Variants in ZMYND11 observed in about 807,000 individuals in gnomAD.
ZMYND11 encodes zinc finger MYND-type containing 11.
A neutral mutation model predicts 84.9 loss-of-function variants in ZMYND11; 9 were observed. The observed-to-expected ratio is 0.11, with a 90% CI of 0.06 to 0.18. The LOEUF (loss-of-function observed/expected upper bound fraction) is 0.18. Among genes scored for constraint, ZMYND11 ranks in the 10% least tolerant of loss-of-function variants. The probability of loss-of-function intolerance (pLI) is 1.00; values close to 1 mark genes in which losing one functional copy is unlikely to be tolerated. For missense variants in ZMYND11, 409 were observed against 761.0 expected, an observed-to-expected ratio of 0.54 and a Z score of 5.44; for synonymous variants, 250 against 244.1, an observed-to-expected ratio of 1.02 and a Z score of -0.23.
intron 13 of ZMYND11, 89 bp downstream of exon 13, chr10:248,697 C>T (rs1952715944): frequency 6.8e-7 from 1 of 1,464,760 alleles, no homozygotes; most frequent in Non-Finnish European, 9.0e-7. Context: ...AACCCAGTAG[C>T]AGCTTTTACA....
chr10:153,155 G>A (rs1358203083), intron 1 of ZMYND11, among the ~76,000 whole-genome samples: 4 of 152,122 alleles, frequency 2.6e-5, no homozygotes, highest in African/African-American at 9.7e-5. Context: ...CAGTTTTGAA[G>A]TACAGAATTG....
chr10:197,794 G>C (rs1193338933), intron 2 of ZMYND11: 1 of 363,052 alleles, frequency 2.8e-6, no homozygotes, highest in African/African-American at 2.1e-5. Flanking sequence ...AATTTTAATT[G>C]AAATGTTATT....
intron 1 of ZMYND11, among the ~76,000 whole-genome samples, chr10:144,558 C>T (rs1235422518): frequency 6.6e-6 from 1 of 150,776 alleles, no homozygotes; most frequent in African/African-American, 2.4e-5. Flanking sequence ...TTTTAGATGA[C>T]AGTGTTACAC....
intron 2 of ZMYND11, among the ~76,000 whole-genome samples, chr10:183,829 T>C (rs1347478955): frequency 3.9e-4 from 59 of 152,198 alleles, no homozygotes; most frequent in Admixed American, 3.5e-3. Context: ...CTGAACTACT[T>C]TCTGCTTGTT....
chr10:231,232 T>G (rs1229322801), intron 4 of ZMYND11, among the ~76,000 whole-genome samples: 1 of 152,248 alleles, frequency 6.6e-6, no homozygotes, highest in African/African-American at 2.4e-5. Flanking sequence ...AAAATGCTTC[T>G]TGACTTTTGG....
chr10:167,035 G>T (rs139489977), intron 1 of ZMYND11, among the ~76,000 whole-genome samples: 1 of 152,122 alleles, frequency 6.6e-6, no homozygotes, highest in Non-Finnish European at 1.5e-5. Context: ...AAATATCTAG[G>T]CATATTAATA....
In ZMYND11 at chr10:248,381, C is replaced by T. The variant is rs1204710018; in HGVS notation, c.1273C>T (p.Pro425Ser). 2 of 1,614,006 alleles carry T rather than the reference C, an allele frequency of 1.2e-6. No individual in the cohort carries two copies. The highest frequency in any genetic ancestry group is 1.7e-6 in the Non-Finnish European group (2 of 1,180,022). The stretch of plus-strand genomic sequence containing the variant: ...AGCAGTAAGTTCTAGCCAGGAAATA[C>T]CCACGATGCCTCAGCCCATCGAAAA... ...TEAVSSSQEI[P>S]TMPQPIEKVS... The change falls in exon 13 of 15, where the codon CCC (proline) becomes TCC (serine). Residue 425 changes from proline (P) to serine (S), a missense_variant. Pro to Ser is a moderately conservative substitution (Grantham distance 74). Transcript: ENST00000381604.
At chr10:158,384 TTATTC>T (rs1842168642) in intron 1 of ZMYND11, among the ~76,000 whole-genome samples, 1 of 151,946 alleles carries the variant, frequency 6.6e-6, no homozygotes, top group Admixed American at 6.6e-5. Context: ...CCAGTTTCTA[TTATTC>T]TATTATTCCT....
At position 242,096 on chromosome 10, in the gene ZMYND11, G is replaced by C; in HGVS notation, c.907G>C (p.Asp303His). Reference protein sequence around the residue: ...FWPAKVMQKEDNQVDVRFFGH... With the variant: ...FWPAKVMQKEHNQVDVRFFGH... ...GCCAGCCAAAGTCATGCAGAAAGAA[G>C]ACAATCAAGTCGACGTTCGCTTCTT... The change falls in exon 10 of 15, where the codon GAC (aspartate) becomes CAC (histidine). Residue 303 changes from aspartate to histidine, a missense_variant. Asp to His is a moderately conservative substitution (Grantham distance 81). Around this residue, in one of 7 missense-constraint regions of ZMYND11, gnomAD observed 59 missense variants for 151.0 expected, o/e 0.39. Transcript: ENST00000381604. 1 of 1,613,962 alleles carries C rather than the reference G, an allele frequency of 6.2e-7. No individual in the cohort carries two copies.
chr10:159,860 G>A (rs1316016970), intron 1 of ZMYND11, among the ~76,000 whole-genome samples: 1 of 151,944 alleles, frequency 6.6e-6, no homozygotes, highest in African/African-American at 2.4e-5. Flanking sequence ...TCTGATTTTT[G>A]ATTGTATTTT....
intron 1 of ZMYND11, among the ~76,000 whole-genome samples, chr10:160,518 CT>C (rs1159828662): frequency 6.6e-6 from 1 of 152,086 alleles, no homozygotes; most frequent in African/African-American, 2.4e-5. Flanking sequence ...TTGGCTTTTC[CT>C]TTCATGAAAG....
intron 4 of ZMYND11, among the ~76,000 whole-genome samples, chr10:230,255 A>G (rs1948776696): frequency 6.6e-6 from 1 of 152,056 alleles, no homozygotes; most frequent in Non-Finnish European, 1.5e-5. Flanking sequence ...CGGGCGGATC[A>G]TGAGGTCAGG....
At chr10:234,961 G>GT (rs1949683639) in intron 4 of ZMYND11, among the ~76,000 whole-genome samples, 1 of 145,896 alleles carries the variant, frequency 6.9e-6, no homozygotes, top group South Asian at 2.3e-4. Flanking sequence ...TGTACAAGAG[G>GT]TGCCCGCTAG....
At chr10:246,672 A>G (rs1352890798) in intron 10 of ZMYND11, 94 bp from the exon 11 acceptor site, 2 of 1,215,252 alleles carry the variant, frequency 1.6e-6, no homozygotes, top group African/African-American at 1.5e-5. Context: ...CACAGGTCGC[A>G]CTTTATGGCA....
chr10:181,408 C>G (rs1419634218), intron 2 of ZMYND11, among the ~76,000 whole-genome samples: 1 of 152,228 alleles, frequency 6.6e-6, no homozygotes. Context: ...CGCCTGAGCT[C>G]AGGAGTTTGA....
At chr10:228,427 CA>C (rs1229441880) in intron 4 of ZMYND11, among the ~76,000 whole-genome samples, 1 of 152,188 alleles carries the variant, frequency 6.6e-6, no homozygotes, top group Non-Finnish European at 1.5e-5. Context: ...AGGATGCTTA[CA>C]ACTTAATGTA....
At chr10:247,232 TAC>T (rs1472880786) in intron 11 of ZMYND11, among the ~76,000 whole-genome samples, 164 bp from the exon 12 acceptor site, 4 of 152,338 alleles carry the variant, frequency 2.6e-5, no homozygotes, top group East Asian at 3.9e-4. Flanking sequence ...CTTTCAAGCC[TAC>T]AGTTACCAGA....
chr10:153,963 C>T (rs1343001764), intron 1 of ZMYND11, among the ~76,000 whole-genome samples: 2 of 152,192 alleles, frequency 1.3e-5, no homozygotes, highest in East Asian at 3.8e-4. Flanking sequence ...AGACAGCCAG[C>T]ACTAGCCAAG....
chr10:171,688 C>G (rs1270764540), intron 1 of ZMYND11, among the ~76,000 whole-genome samples: 1 of 152,134 alleles, frequency 6.6e-6, no homozygotes, highest in Non-Finnish European at 1.5e-5. Flanking sequence ...AACATTCTTT[C>G]ATAAAAACTC....
Sources: gnomAD v4.1 joint callset for allele counts (sites outside exome capture counted in the v4.1 genomes callset) on GRCh38, gnomAD v4.1.1 for gene constraint, gnomAD v4.1.1 regional missense constraint, MANE v1.5 for transcripts, NCBI Gene and HGNC (gene_info 2026-07-23, HGNC 2026-07-21) for gene names.